The following PARP8 variants were observed in gnomAD, a reference collection of about 807,000 sequenced individuals.
PARP8 encodes the protein protein mono-ADP-ribosyltransferase PARP8.
In PARP8, 51 loss-of-function variants were observed where a neutral mutation model predicts 124.1. The observed-to-expected ratio is 0.41, with a 90% confidence interval of 0.33 to 0.52. The LOEUF (loss-of-function observed/expected upper bound fraction) is 0.52. Among genes scored for constraint, PARP8 ranks in the 20% least tolerant of loss-of-function variants. The pLI is 0.21. For missense variants in PARP8, 860 were observed against 1,018.9 expected (o/e 0.84, Z 2.12); for synonymous variants, 391 against 361.5 (o/e 1.08, Z -0.93).
At chr5:50,678,136 A>G (rs1017509799) in intron 2 of PARP8, among the ~76,000 whole-genome samples, 7 of 152,174 alleles carry the variant, frequency 4.6e-5, no homozygotes, top group African/African-American at 1.7e-4. Flanking sequence ...TTATAAAACT[A>G]TACTAAACAA....
At chr5:50,809,881 G>A (rs1744246529) in intron 14 of PARP8, among the ~76,000 whole-genome samples, 3 of 151,890 alleles carry the variant, frequency 2.0e-5, no homozygotes, top group Admixed American at 6.6e-5. Context: ...TAAATACATA[G>A]CTAGATTCTT....
At chr5:50,716,123 A>G (rs1313789063) in intron 2 of PARP8, among the ~76,000 whole-genome samples, 2 of 152,140 alleles carry the variant, frequency 1.3e-5, no homozygotes, top group African/African-American at 4.8e-5. Flanking sequence ...TTCCACATAG[A>G]GGCTGAGAAT....
intron 2 of PARP8, among the ~76,000 whole-genome samples, chr5:50,671,068 A>G (rs546913677): frequency 6.6e-6 from 1 of 152,270 alleles, no homozygotes; most frequent in South Asian, 2.1e-4. Flanking sequence ...CTGCCTTCTT[A>G]TTTGAGAGGT....
intron 9 of PARP8, among the ~76,000 whole-genome samples, chr5:50,784,800 C>T (rs1741064275): frequency 6.6e-6 from 1 of 151,906 alleles, no homozygotes; most frequent in African/African-American, 2.4e-5. Context: ...TTGCTTAGGT[C>T]ACTAATTTTA....
intron 14 of PARP8, among the ~76,000 whole-genome samples, chr5:50,799,802 A>G (rs1742992150): frequency 6.6e-6 from 1 of 152,106 alleles, no homozygotes; most frequent in Non-Finnish European, 1.5e-5. Context: ...TGCCTTTGTA[A>G]TAGAGCACAA....
At chr5:50,834,214 A>C (rs937016722) in intron 24 of PARP8, among the ~76,000 whole-genome samples, 166 bp downstream of exon 24, 6 of 152,220 alleles carry the variant, frequency 3.9e-5, no homozygotes. Context: ...GAGATCATAA[A>C]GGTTCAAACC....
intron 12 of PARP8, 121 bp downstream of exon 12, chr5:50,795,538 T>A (rs964697477): frequency 3.7e-5 from 30 of 807,098 alleles, no homozygotes; most frequent in Admixed American, 1.4e-4. Context: ...ACTGTTTTTT[T>A]AAAATCTTTT....
intron 2 of PARP8, among the ~76,000 whole-genome samples, chr5:50,722,254 G>A (rs1365496572): frequency 6.6e-6 from 1 of 152,074 alleles, no homozygotes; most frequent in Non-Finnish European, 1.5e-5. Flanking sequence ...AAGTTCGATA[G>A]TTAAGGAAAG....
chr5:50,701,588 G>C (rs1580007244), intron 2 of PARP8, among the ~76,000 whole-genome samples: 3 of 152,194 alleles, frequency 2.0e-5, no homozygotes, highest in African/African-American at 7.2e-5. Context: ...TTTTAGAAGT[G>C]ACTTTGACTA....
intron 8 of PARP8, among the ~76,000 whole-genome samples, 189 bp downstream of exon 8, chr5:50,778,318 G>C (rs1023719411): frequency 6.6e-6 from 1 of 152,006 alleles, no homozygotes; most frequent in African/African-American, 2.4e-5. Flanking sequence ...ATTTGCATTG[G>C]TTTTTCTAAT....
rs892423707 is a variant in PARP8, at chr5:50,667,773, G to A, written c.92-298G>A. 3.3e-5 allele frequency: 26 copies of A among 783,150 alleles called. No individual in the cohort carries two copies. The African/African-American group carries it at 3.6e-4, about 11-fold the overall frequency. 48.5% of individuals were successfully genotyped at this position (783,150 alleles called of 1,614,324 possible). On this transcript the variant is annotated intron_variant, in intron 1 of 25. Transcript: ENST00000281631. ...CCTTTCGTCCATTTTGCTCCCCCGG[G>A]ATTTTGCTTTCGCTACCGCGAGCCC...
intron 2 of PARP8, among the ~76,000 whole-genome samples, chr5:50,670,753 C>T (rs1419238253): frequency 1.3e-5 from 2 of 152,200 alleles, no homozygotes; most frequent in Non-Finnish European, 2.9e-5. Context: ...CCATGTAAAC[C>T]TGTTCCATCA....
At position 50,824,979 on chromosome 5, in the gene PARP8, TAAAATTCTAGTTTTCCTCTTAATG is replaced by T. The variant is rs1746183172; in HGVS notation, c.1928+9_1928+32del. 5 of 1,606,916 alleles carry T rather than the reference TAAAATTCTAGTTTTCCTCTTAATG, an allele frequency of 3.1e-6. No individual in the cohort carries two copies. Among genetic ancestry groups the T allele is most frequent in the Non-Finnish European group, 4.3e-6 (5 of 1,174,628 alleles). ...TTGCTCATCCCTTACTGCAATGGTA[TAAAATTCTAGTTTTCCTCTTAATG>T]AAAACAGCATCCTTTTCTACTGCTT... On this transcript the variant is annotated splice_donor_5th_base_variant and intron_variant, in intron 18 of 25. Coordinates refer to ENST00000281631, the MANE Select transcript of PARP8 (RefSeq NM_024615.4).
chr5:50,727,784 G>T (rs2149513552), intron 2 of PARP8, among the ~76,000 whole-genome samples: 1 of 152,216 alleles, frequency 6.6e-6, no homozygotes, highest in African/African-American at 2.4e-5. Flanking sequence ...ATCGCATCCT[G>T]CAGGAAACTT....
intron 9 of PARP8, among the ~76,000 whole-genome samples, chr5:50,779,590 G>A (rs1314385661): frequency 3.3e-5 from 5 of 152,188 alleles, no homozygotes; most frequent in Non-Finnish European, 5.9e-5. Context: ...GGAAGAGACA[G>A]GATGTAGAAG....
intron 2 of PARP8, among the ~76,000 whole-genome samples, chr5:50,705,677 C>T (rs1042724815): frequency 1.1e-4 from 17 of 151,848 alleles, no homozygotes; most frequent in Admixed American, 9.8e-4. Flanking sequence ...CCCAGCTACT[C>T]GGGAGGCTGA....
chr5:50,667,912 C>G (rs1749537172), intron 1 of PARP8, 159 bp from the exon 2 acceptor site: 1 of 1,505,330 alleles, frequency 6.6e-7, no homozygotes, highest in Non-Finnish European at 8.8e-7. Flanking sequence ...CGCGCCGCAT[C>G]CCCTCGGACG....
intron 7 of PARP8, among the ~76,000 whole-genome samples, chr5:50,766,439 A>C (rs900848530): frequency 1.1e-4 from 17 of 152,240 alleles, no homozygotes; most frequent in African/African-American, 4.1e-4. Flanking sequence ...AATTGAAATT[A>C]GTATTTTTAG....
chr5:50,763,937 T>C (rs1760808291), intron 7 of PARP8, among the ~76,000 whole-genome samples: 1 of 152,220 alleles, frequency 6.6e-6, no homozygotes, highest in Admixed American at 6.5e-5. Context: ...GACCTCAGTC[T>C]GGCCCCTTTA....
Sources: gnomAD v4.1 joint callset for allele counts (sites outside exome capture counted in the v4.1 genomes callset) on GRCh38, gnomAD v4.1.1 for gene constraint, MANE v1.5 for transcripts, NCBI Gene and HGNC (gene_info 2026-07-23, HGNC 2026-07-21) for gene names.